RPGR: variants seen among roughly 807,000 people sequenced by gnomAD.
RPGR encodes X-linked retinitis pigmentosa GTPase regulator.
Under a neutral mutation model 56.3 loss-of-function variants are expected in RPGR, and 10 were observed. The observed-to-expected ratio is 0.18, with a 90% CI of 0.11 to 0.30. RPGR has a LOEUF of 0.30. Ranked by LOEUF, RPGR falls within the 10% of genes least tolerant of loss-of-function variation. The probability of loss-of-function intolerance (pLI) is 1.00; values close to 1 mark genes in which losing one functional copy is unlikely to be tolerated. For synonymous variants in RPGR, 197 were observed against 212.9 expected, an observed-to-expected ratio of 0.93 and a Z score of 0.65; for missense variants, 538 against 590.9, an observed-to-expected ratio of 0.91 and a Z score of 0.93.
intron 17 of RPGR, chrX:38,273,612 C>A: frequency 2.3e-6 from 1 of 432,364 alleles, no homozygotes; most frequent in Admixed American, 3.8e-5. Flanking sequence ...TAGTGGACAA[C>A]ATCTACACTG....
At chrX:38,307,710 A>G (rs756420730) in intron 7 of RPGR, among the ~76,000 whole-genome samples, 1 of 111,972 alleles carries the variant, frequency 8.9e-6, no homozygotes, top group African/African-American at 3.2e-5. Flanking sequence ...AATTCTGCCT[A>G]TACTGTGCTC....
intron 8 of RPGR, among the ~76,000 whole-genome samples, chrX:38,301,927 T>C (rs1354265363): frequency 9.0e-6 from 1 of 111,484 alleles, no homozygotes; most frequent in Non-Finnish European, 1.9e-5. Context: ...CATTAAAAAA[T>C]GTCTCCAAAC....
intron 7 of RPGR, among the ~76,000 whole-genome samples, chrX:38,305,547 AAG>A (rs1201362711): frequency 5.4e-5 from 6 of 110,420 alleles, no homozygotes; most frequent in African/African-American, 2.0e-4. Context: ...GGAGTTGGAG[AAG>A]AGTCTGGCCA....
At chrX:38,297,062 T>C (rs1340057166) in intron 11 of RPGR, among the ~76,000 whole-genome samples, 1 of 112,002 alleles carries the variant, frequency 8.9e-6, no homozygotes, top group East Asian at 2.8e-4. Flanking sequence ...TCCACTGCTC[T>C]ATAAAGATAT....
At chrX:38,286,636 T>A in intron 15 of RPGR, 2 of 1,073,845 alleles carry the variant, frequency 1.9e-6, no homozygotes, top group Non-Finnish European at 2.4e-6. Flanking sequence ...TCCTTCTTCC[T>A]CTCCTTTCTC....
At chrX:38,277,117 G>A (rs1042087292) in intron 15 of RPGR, among the ~76,000 whole-genome samples, 3 of 111,934 alleles carry the variant, frequency 2.7e-5, no homozygotes, top group African/African-American at 9.7e-5. Context: ...TCTGTCTACT[G>A]TAGCATTATA....
intron 6 of RPGR, among the ~76,000 whole-genome samples, chrX:38,312,709 C>T (rs891175491): frequency 3.6e-5 from 4 of 111,526 alleles, no homozygotes; most frequent in Non-Finnish European, 5.6e-5. Context: ...TTTGGGAGGC[C>T]GAGGCTGGTG....
rs778914040 is a variant in RPGR at position 38,287,117 on chromosome X, C to G, written c.1882G>C (p.Asp628His). Residue 628 changes from aspartate (D) to histidine (H), a missense_variant, in exon 15 of 19, where the codon GAT becomes CAT. Physicochemically the swap from Asp to His is moderately conservative, Grantham distance 81. This residue lies in a region of RPGR where 357 missense variants were observed against 325.8 expected (regional missense o/e 1.10). Coordinates refer to ENST00000642395, the MANE Select transcript of RPGR (RefSeq NM_000328.3). ...ACCTCTGCTTTGTCTGTAAGGTCAT[C>G]TGATAGGATCTCTGTTTTCTCCTTT... is the stretch of plus-strand genomic sequence containing the variant. The G allele has an allele frequency of 3.3e-6, 4 of 1,211,014 alleles. No individual in the cohort carries two copies. Among genetic ancestry groups the G allele is most frequent in the Non-Finnish European group, 4.5e-6 (4 of 895,398 alleles).
At chrX:38,305,011 A>G (rs2067569939) in intron 7 of RPGR, among the ~76,000 whole-genome samples, 2 of 112,330 alleles carry the variant, frequency 1.8e-5, no homozygotes, top group Non-Finnish European at 1.9e-5. Context: ...TGACATGGGT[A>G]TGATTTTATC....
At chrX:38,286,992 C>A in intron 15 of RPGR, 1 of 1,210,235 alleles carries the variant, frequency 8.3e-7, no homozygotes, top group Non-Finnish European at 1.1e-6. Context: ...CCTCATCTTG[C>A]CAGTGTTCTG....
At chrX:38,291,803 A>G (rs755396248) in intron 11 of RPGR, among the ~76,000 whole-genome samples, 6 of 112,261 alleles carry the variant, frequency 5.3e-5, no homozygotes, top group South Asian at 3.7e-4. Context: ...AAGGGCCCCA[A>G]TGACCTACAA....
chrX:38,308,683 A>C (rs1397439792), intron 7 of RPGR, among the ~76,000 whole-genome samples: 1 of 111,991 alleles, frequency 8.9e-6, no homozygotes, highest in Non-Finnish European at 1.9e-5. Context: ...TCAAAGTTTA[A>C]TTTTTAGAAT....
chrX:38,321,546 C>T (rs2067940438), intron 3 of RPGR, among the ~76,000 whole-genome samples: 2 of 108,714 alleles, frequency 1.8e-5, no homozygotes, highest in Admixed American at 2.0e-4. Context: ...TGCAGCTATT[C>T]GGGGAGGGGG....
intron 7 of RPGR, among the ~76,000 whole-genome samples, chrX:38,309,165 AT>A (rs2067661265): frequency 8.9e-6 from 1 of 112,321 alleles, no homozygotes; most frequent in Non-Finnish European, 1.9e-5. Context: ...AGTAGTGAGT[AT>A]ATTTCAATAC....
chrX:38,314,090 GT>G (rs937938305), intron 6 of RPGR, among the ~76,000 whole-genome samples: 4 of 111,271 alleles, frequency 3.6e-5, no homozygotes, highest in African/African-American at 1.3e-4. Flanking sequence ...TAAATCTCAT[GT>G]TTTAAGAAGG....
rs1445095001 is a variant in RPGR, at chrX:38,273,472, T to C, written c.2155A>G (p.Met719Val). The C allele has an allele frequency of 8.4e-7, 1 of 1,190,637 alleles. No homozygotes were observed. Among genetic ancestry groups the C allele is most frequent in the East Asian group, 3.0e-5 (1 of 33,733 alleles). The change falls in exon 18 of 19, where the codon ATG (methionine) becomes GTG (valine). Residue 719 changes from methionine (M) to valine (V), a missense_variant. Around this residue, in one of 2 missense-constraint regions of RPGR, gnomAD observed 357 missense variants for 325.8 expected, o/e 1.10. Transcript: ENST00000642395. ...GAACTGCTATCTGCATCATCAAGCA[T>C]GTATCCTACAATTGGATCATTCAGA...
chrX:38,293,654 T>C (rs780467224), intron 11 of RPGR, among the ~76,000 whole-genome samples: 1 of 111,897 alleles, frequency 8.9e-6, no homozygotes, highest in East Asian at 2.8e-4. Context: ...GCTGATGGCC[T>C]TGCCTCAGAT....
intron 13 of RPGR, among the ~76,000 whole-genome samples, chrX:38,289,009 T>C (rs1054896999): frequency 7.2e-5 from 8 of 110,953 alleles, no homozygotes; most frequent in Non-Finnish European, 1.5e-4. Context: ...CTCGAACTTC[T>C]GACCTCAAGT....
chrX:38,310,820 A>G (rs2067703115), intron 6 of RPGR, 47 bp from the exon 7 acceptor site: 2 of 1,161,428 alleles, frequency 1.7e-6, no homozygotes, highest in East Asian at 6.0e-5. Context: ...ACATATGAAC[A>G]AAAAGCTGGT....
Sources: gnomAD v4.1 joint callset for allele counts (sites outside exome capture counted in the v4.1 genomes callset) on GRCh38, gnomAD v4.1.1 for gene constraint, gnomAD v4.1.1 regional missense constraint, MANE v1.5 for transcripts, NCBI Gene and HGNC (gene_info 2026-07-23, HGNC 2026-07-21) for gene names.